Variants in ROBO2 observed in about 807,000 individuals in gnomAD.
The protein encoded by ROBO2 is roundabout homolog 2.
A neutral mutation model predicts 160.8 loss-of-function variants in ROBO2; 53 were observed. That is an observed-to-expected ratio of 0.33 (90% CI 0.26 to 0.41). ROBO2 has a LOEUF of 0.41. ROBO2 is among the 10% of genes least tolerant of loss of function. The pLI, the probability that ROBO2 is intolerant of heterozygous loss-of-function variation, is 1.00. For missense variants in ROBO2, 1,577 were observed against 1,722.4 expected (o/e 0.92, Z 1.49); for synonymous variants, 664 against 611.7 (o/e 1.09, Z -1.26).
intron 3 of ROBO2, among the ~76,000 whole-genome samples, chr3:77,478,499 G>A (rs186389035): frequency 6.6e-6 from 1 of 152,126 alleles, no homozygotes; most frequent in African/African-American, 2.4e-5. Context: ...ACAGAAACAG[G>A]CAAATGGCAT....
intron 2 of ROBO2, among the ~76,000 whole-genome samples, chr3:77,164,421 C>T (rs370470107): frequency 0.036 from 2,948 of 81,172 alleles, 129 homozygotes; most frequent in Middle Eastern, 0.08. Context: ...CCAGCCGCCC[C>T]GTCCGGGAGG....
chr3:77,012,631 C>G (rs2061989730), intron 2 of ROBO2, among the ~76,000 whole-genome samples: 1 of 152,094 alleles, frequency 6.6e-6, no homozygotes, highest in South Asian at 2.1e-4. Flanking sequence ...GGGTAAGAAG[C>G]TTTTATTGTC....
chr3:77,401,283 G>C (rs565984135), intron 2 of ROBO2, among the ~76,000 whole-genome samples: 1 of 149,390 alleles, frequency 6.7e-6, no homozygotes, highest in African/African-American at 2.5e-5. Context: ...AAAACTCAAA[G>C]AGGGGATTTC....
chr3:76,827,149 A>T (rs1186183520), intron 2 of ROBO2, among the ~76,000 whole-genome samples: 3 of 152,150 alleles, frequency 2.0e-5, no homozygotes, highest in Non-Finnish European at 4.4e-5. Flanking sequence ...ATTTGGACTA[A>T]GATAGCTGAA....
At chr3:76,449,834 G>A (rs2077386556) in intron 2 of ROBO2, among the ~76,000 whole-genome samples, 1 of 152,028 alleles carries the variant, frequency 6.6e-6, no homozygotes, top group African/African-American at 2.4e-5. Context: ...ATTTTAGAGA[G>A]GTTGAGTTTA....
At chr3:77,493,156 T>C (rs2086345913) in intron 4 of ROBO2, 88 bp from the exon 5 acceptor site, 2 of 1,412,778 alleles carry the variant, frequency 1.4e-6, no homozygotes, top group African/African-American at 1.4e-5. Flanking sequence ...CAAAAGTAAA[T>C]TAGGTTTCCT....
chr3:76,685,451 GA>G (rs1356584832), intron 2 of ROBO2, among the ~76,000 whole-genome samples: 2 of 152,044 alleles, frequency 1.3e-5, no homozygotes, highest in South Asian at 2.1e-4. Context: ...TAAAATAGTA[GA>G]AATGGTCAAA....
At chr3:77,000,349 G>T (rs1018057014) in intron 2 of ROBO2, among the ~76,000 whole-genome samples, 8 of 152,082 alleles carry the variant, frequency 5.3e-5, no homozygotes, top group African/African-American at 1.9e-4. Context: ...GCACCCAATA[G>T]ATCCACACCC....
chr3:76,966,315 C>T (rs1396093637), intron 2 of ROBO2, among the ~76,000 whole-genome samples: 1 of 152,142 alleles, frequency 6.6e-6, no homozygotes, highest in African/African-American at 2.4e-5. Context: ...ATTTCTTGAG[C>T]CCCTAACATA....
intron 2 of ROBO2, among the ~76,000 whole-genome samples, chr3:76,150,036 A>C (rs2072107908): frequency 7.0e-6 from 1 of 143,802 alleles, no homozygotes. Flanking sequence ...TAAATCACAC[A>C]TCTGTCTAAA....
intron 2 of ROBO2, among the ~76,000 whole-genome samples, chr3:76,125,541 G>C (rs2070938047): frequency 6.6e-6 from 1 of 152,016 alleles, no homozygotes; most frequent in South Asian, 2.1e-4. Flanking sequence ...CAGCCATTCT[G>C]ACTGGTCTGC....
At chr3:77,021,213 A>G (rs62249947) in intron 2 of ROBO2, among the ~76,000 whole-genome samples, 23,224 of 151,992 alleles carry the variant, frequency 0.15, 2,039 homozygotes, top group Admixed American at 0.25. Context: ...AAAAAGAAAG[A>G]AAGAAAGAAA....
intron 2 of ROBO2, among the ~76,000 whole-genome samples, chr3:77,392,270 A>T (rs901770171): frequency 5.3e-5 from 8 of 152,210 alleles, no homozygotes; most frequent in Non-Finnish European, 1.2e-4. Flanking sequence ...TGACTCTGTC[A>T]GAAGAGCTTT....
chr3:76,179,003 C>T lies in ROBO2; in HGVS notation c.109+241401C>T, dbSNP rs184278725. On this transcript the variant is annotated intron_variant, in intron 2 of 26. Coordinates refer to the ROBO2 transcript ENST00000487694. Reference sequence around the variant, plus strand: ...CTTCAGAGCTTTCATGTTCACACTGCAAACTTTCCCTCAATAAAGGGTATT... The same window carrying T: ...CTTCAGAGCTTTCATGTTCACACTGTAAACTTTCCCTCAATAAAGGGTATT... Among the ~76,000 whole-genome samples the T allele has an allele frequency of 6.2e-4, 95 of 152,152 alleles. 1 individual carries two copies. The highest frequency in any genetic ancestry group is 3.3e-3 in the Admixed American group (50 of 15,274).
chr3:77,206,896 CAT>C (rs956639291), intron 2 of ROBO2, among the ~76,000 whole-genome samples: 1 of 151,940 alleles, frequency 6.6e-6, no homozygotes, highest in Admixed American at 6.6e-5. Context: ...AGAAGAAAAA[CAT>C]AGACAAACAG....
intron 2 of ROBO2, among the ~76,000 whole-genome samples, chr3:76,410,504 C>T (rs952377009): frequency 1.3e-5 from 2 of 152,082 alleles, no homozygotes; most frequent in African/African-American, 4.8e-5. Flanking sequence ...TTGACAATTT[C>T]ACAGATCTAA....
At chr3:76,650,236 G>GTTTT (rs1317675187) in intron 2 of ROBO2, among the ~76,000 whole-genome samples, 1 of 152,140 alleles carries the variant, frequency 6.6e-6, no homozygotes, top group Non-Finnish European at 1.5e-5. Context: ...AAAAATAAGT[G>GTTTT]TTGGCTACAC....
At chr3:77,599,920 G>T (rs1436582451) in intron 19 of ROBO2, among the ~76,000 whole-genome samples, 1 of 152,136 alleles carries the variant, frequency 6.6e-6, no homozygotes, top group African/African-American at 2.4e-5. Flanking sequence ...CAGTGAAGGA[G>T]ACAGTCATTT....
At chr3:76,020,662 T>C (rs2066548974) in intron 2 of ROBO2, among the ~76,000 whole-genome samples, 1 of 151,856 alleles carries the variant, frequency 6.6e-6, no homozygotes, top group African/African-American at 2.4e-5. Flanking sequence ...ATTGTATCCT[T>C]TCTTTATTCC....
Sources: gnomAD v4.1 joint callset for allele counts (sites outside exome capture counted in the v4.1 genomes callset) on GRCh38, gnomAD v4.1.1 for gene constraint, MANE v1.5 for transcripts, NCBI Gene and HGNC (gene_info 2026-07-23, HGNC 2026-07-21) for gene names.